Variants in CUX1 observed in about 807,000 individuals in gnomAD.
CUX1 encodes protein CASP.
A neutral mutation model predicts 158.8 loss-of-function variants in CUX1; 31 were observed. That is an observed-to-expected ratio of 0.20 (90% CI 0.15 to 0.26). The LOEUF is 0.26. Among genes scored for constraint, CUX1 ranks in the 10% least tolerant of loss-of-function variants. CUX1 has a pLI of 1.00. For missense variants in CUX1, 1,589 were observed against 2,014.6 expected, an observed-to-expected ratio of 0.79 and a Z score of 4.04; for synonymous variants, 879 against 862.1, an observed-to-expected ratio of 1.02 and a Z score of -0.34.
At chr7:102,159,697 C>A (rs931682947) in intron 9 of CUX1, among the ~76,000 whole-genome samples, 19 of 151,710 alleles carry the variant, frequency 1.3e-4, no homozygotes, top group African/African-American at 3.9e-4. Flanking sequence ...CCCGTCTCTA[C>A]TAAAAATACA....
intron 14 of CUX1, among the ~76,000 whole-genome samples, chr7:102,263,812 C>G (rs180914249): frequency 6.6e-6 from 1 of 151,846 alleles, no homozygotes; most frequent in East Asian, 1.9e-4. Flanking sequence ...CCTGCCCCAG[C>G]CTTCCGAGTA....
chr7:102,106,353 G>T (rs889412728), intron 6 of CUX1, among the ~76,000 whole-genome samples: 1 of 152,104 alleles, frequency 6.6e-6, no homozygotes, highest in African/African-American at 2.4e-5. Context: ...CTCCCAAAGT[G>T]CTGGGATTAC....
intron 3 of CUX1, among the ~76,000 whole-genome samples, chr7:102,039,400 G>A (rs1215479420): frequency 6.6e-6 from 1 of 152,012 alleles, no homozygotes. Flanking sequence ...TCCAGTCTTT[G>A]ACTGACACTT....
chr7:102,222,709 G>A (rs185082390), intron 20 of CUX1, among the ~76,000 whole-genome samples: 10 of 151,386 alleles, frequency 6.6e-5, no homozygotes, highest in Non-Finnish European at 4.4e-5. Flanking sequence ...TGTCACTAAC[G>A]CACACTTGGG....
chr7:101,855,001 C>T (rs1796627730), intron 1 of CUX1, among the ~76,000 whole-genome samples: 1 of 152,236 alleles, frequency 6.6e-6, no homozygotes, highest in Non-Finnish European at 1.5e-5. Context: ...TCCCGAAGTG[C>T]TGGGATGACA....
chr7:102,143,183 A>G lies in CUX1; in HGVS notation c.675-15377A>G, dbSNP rs1834647997. Among the ~76,000 whole-genome samples the G allele has an allele frequency of 4.6e-5, 7 of 152,170 alleles. No individual in the cohort carries two copies. The South Asian group carries it at 1.4e-3, about 32-fold the overall frequency. On this transcript the variant is annotated intron_variant, in intron 8 of 23. Coordinates refer to ENST00000292535, the MANE Select transcript of CUX1 (RefSeq NM_181552.4). ...ATCACCTAAGTGTAGGCCTCTCACC[A>G]TGACAGTTCCCTTCCTGGGTCAGAT... is the stretch of plus-strand genomic sequence containing the variant.
chr7:102,007,770 G>GTCTCACT (rs1194608071), intron 2 of CUX1, among the ~76,000 whole-genome samples: 1 of 151,056 alleles, frequency 6.6e-6, no homozygotes, highest in Non-Finnish European at 1.5e-5. Flanking sequence ...TTGAGATAGA[G>GTCTCACT]TCTCACTCTT....
At chr7:102,085,308 A>T (rs186975810) in intron 4 of CUX1, among the ~76,000 whole-genome samples, 29 of 152,162 alleles carry the variant, frequency 1.9e-4, no homozygotes, top group Admixed American at 1.9e-3. Flanking sequence ...TTTACTGAGG[A>T]CTTTTGCCGT....
rs142598480 is a variant in CUX1 at position 102,055,210 on chromosome 7, A to AT, written c.190-15117dup. ...CTTTTTGTGATGCTATTATAAATGG[A>AT]TTTTTTTTTTTTACTTTCACTTTCA... On this transcript the variant is annotated intron_variant, in intron 3 of 23. Transcript: ENST00000292535. Among the ~76,000 whole-genome samples, 1,223 of 147,368 alleles carry AT rather than the reference A, an allele frequency of 8.3e-3. 9 individuals carry two copies. Among genetic ancestry groups the AT allele is most frequent in the African/African-American group, 0.024 (987 of 40,494 alleles).
At chr7:101,944,300 C>T (rs1342096378) in intron 2 of CUX1, among the ~76,000 whole-genome samples, 1 of 152,182 alleles carries the variant, frequency 6.6e-6, no homozygotes, top group Non-Finnish European at 1.5e-5. Flanking sequence ...TTCATCTACC[C>T]CAGTGCCATG....
chr7:102,121,444 C>T (rs1311282906), intron 8 of CUX1, among the ~76,000 whole-genome samples: 1 of 151,646 alleles, frequency 6.6e-6, no homozygotes, highest in African/African-American at 2.4e-5. Context: ...CTCCCGGGTT[C>T]AAGCGATTCT....
intron 3 of CUX1, among the ~76,000 whole-genome samples, chr7:102,044,745 G>T (rs1247959213): frequency 1.3e-5 from 2 of 151,962 alleles, no homozygotes; most frequent in Admixed American, 6.6e-5. Flanking sequence ...GTTCCTAGAC[G>T]CCCACAAGCA....
rs779853795 is a variant in CUX1, at chr7:101,973,749, A to ATTCTTT, written c.142-54328_142-54323dup. On this transcript the variant is annotated intron_variant, in intron 2 of 23. Coordinates refer to ENST00000292535, the MANE Select transcript of CUX1 (RefSeq NM_181552.4). ...TTCTATACTGTCCACCTTGCCCCAG[A>ATTCTTT]TTCTTTTTCTTTTTCTTTTTCTTTT... 3.4e-4 allele frequency among the ~76,000 whole-genome samples: 51 copies of ATTCTTT among 149,764 alleles called. No individual in the cohort carries two copies. In the South Asian group the frequency reaches 5.8e-3, roughly 17 times the overall value.
In CUX1 at chr7:101,868,846, C is replaced by T. The variant is rs76980808; in HGVS notation, c.31-47269C>T. ...TGTCGTGGGGGGATGGGAGCAGTGG[C>T]TTGGGAAGGGACAGAACGGGAGCAA... is the stretch of plus-strand genomic sequence containing the variant. On this transcript the variant is annotated intron_variant, in intron 1 of 23. Transcript: ENST00000292535. 6.1e-3 allele frequency among the ~76,000 whole-genome samples: 923 copies of T among 152,216 alleles called. 11 individuals are homozygous for T. Among genetic ancestry groups the T allele is most frequent in the African/African-American group, 0.021 (871 of 41,514 alleles).
At chr7:102,014,240 A>G (rs1189764712) in intron 2 of CUX1, among the ~76,000 whole-genome samples, 2 of 152,112 alleles carry the variant, frequency 1.3e-5, no homozygotes, top group Non-Finnish European at 2.9e-5. Flanking sequence ...AGCTACATTC[A>G]TAGTATCTCA....
Position 102,239,463 on chromosome 7 carries a change from A to G in CUX1, c.3766A>G (p.Lys1256Glu). ...KPRVVLAPEEKEALKRAYQQK... is the reference protein window; with the variant it reads ...KPRVVLAPEEEEALKRAYQQK... ...CCGGGTGGTGCTGGCTCCGGAGGAG[A>G]AGGAGGCGCTGAAACGAGCGTATCA... The change falls in exon 23 of 24, where the codon AAG (lysine) becomes GAG (glutamate). Residue 1256 changes from lysine to glutamate, a missense_variant. Around this residue, in one of 8 missense-constraint regions of CUX1, gnomAD observed 259 missense variants for 373.8 expected, o/e 0.69. Transcript: ENST00000292535. The G allele has an allele frequency of 6.2e-7, 1 of 1,614,054 alleles. No homozygotes were observed. The highest frequency in any genetic ancestry group is 8.5e-7 in the Non-Finnish European group (1 of 1,179,948).
chr7:101,921,360 A>G (rs928312686), intron 2 of CUX1, among the ~76,000 whole-genome samples: 2 of 152,168 alleles, frequency 1.3e-5, no homozygotes, highest in Non-Finnish European at 2.9e-5. Context: ...TAACCTGGGA[A>G]TACTCACCGT....
chr7:102,054,741 G>T (rs1361836461), intron 3 of CUX1, among the ~76,000 whole-genome samples: 3 of 152,174 alleles, frequency 2.0e-5, no homozygotes, highest in Non-Finnish European at 4.4e-5. Flanking sequence ...GCCAAGACGG[G>T]AGGATCACTT....
rs1035833784 is a variant in CUX1 at position 102,063,490 on chromosome 7, G to T, written c.190-6849G>T. On this transcript the variant is annotated intron_variant, in intron 3 of 23. Transcript: ENST00000292535. ...TGCAAGCGCGGCCTCCCGAGTTCAC[G>T]CCATTCTCCTGCCTCAGCCTCCCAA... Among the ~76,000 whole-genome samples, 11 of 135,798 alleles carry T rather than the reference G, an allele frequency of 8.1e-5. No individual in the cohort carries two copies. In the Admixed American group the frequency reaches 9.7e-4, roughly 12 times the overall value. 89.1% of individuals were successfully genotyped at this position (135,798 alleles called of 152,430 possible).
Sources: gnomAD v4.1 joint callset for allele counts (sites outside exome capture counted in the v4.1 genomes callset) on GRCh38, gnomAD v4.1.1 for gene constraint, gnomAD v4.1.1 regional missense constraint, MANE v1.5 for transcripts, NCBI Gene and HGNC (gene_info 2026-07-23, HGNC 2026-07-21) for gene names.